RFX7: variants seen among roughly 807,000 people sequenced by gnomAD.
RFX7 encodes the protein regulatory factor X7, also known as DNA-binding protein RFX7.
Under a neutral mutation model 111.8 loss-of-function variants are expected in RFX7, and 26 were observed. That is an observed-to-expected ratio of 0.23 (90% CI 0.17 to 0.32). The LOEUF is 0.32. Ranked by LOEUF, RFX7 falls within the 10% of genes least tolerant of loss-of-function variation. RFX7 has a pLI of 1.00. For missense variants in RFX7, 1,573 were observed against 1,772.9 expected, an observed-to-expected ratio of 0.89 and a Z score of 2.02; for synonymous variants, 624 against 624.4, an observed-to-expected ratio of 1.00 and a Z score of 0.01.
intron 3 of RFX7, among the ~76,000 whole-genome samples, chr15:56,178,398 A>C (rs1320861790): frequency 6.6e-6 from 1 of 152,130 alleles, no homozygotes. Context: ...AAGACATCAT[A>C]CTATTTCAGC....
chr15:56,096,411 G>A lies in RFX7; in HGVS notation c.1317C>T (p.Thr439=). 2 of 1,613,888 alleles carry A rather than the reference G, an allele frequency of 1.2e-6. No individual in the cohort carries two copies. The highest frequency in any genetic ancestry group is 1.7e-6 in the Non-Finnish European group (2 of 1,179,848). Residue 439 remains threonine (T), a synonymous_variant, in exon 10 of 10, where the codon ACC becomes ACT. Coordinates refer to ENST00000559447, the MANE Select transcript of RFX7 (RefSeq NM_022841.7). The part of the protein sequence containing the change: ...YPQILPKPAN[T]SALTIRSPTT... ...TTGGAGAGCGAATGGTGAGTGCACT[G>A]GTGTTCGCTGGTTTGGGTAAGATCT...
At chr15:56,128,327 T>C (rs1405857205) in intron 5 of RFX7, among the ~76,000 whole-genome samples, 1 of 152,032 alleles carries the variant, frequency 6.6e-6, no homozygotes, top group African/African-American at 2.4e-5. Context: ...GATGCAAAAA[T>C]CCTTAACAAA....
At chr15:56,208,322 C>G (rs2043276659) in intron 2 of RFX7, among the ~76,000 whole-genome samples, 2 of 152,096 alleles carry the variant, frequency 1.3e-5, no homozygotes, top group South Asian at 4.2e-4. Context: ...CCATCCTGTT[C>G]CAAGTAAGGG....
chr15:56,109,683 C>T (rs1446084132), intron 5 of RFX7, among the ~76,000 whole-genome samples: 2 of 151,940 alleles, frequency 1.3e-5, no homozygotes, highest in South Asian at 2.1e-4. Context: ...ATGCGGGGAG[C>T]GCCTCTGCCC....
At chr15:56,135,117 T>C (rs1595953384) in intron 5 of RFX7, among the ~76,000 whole-genome samples, 2 of 152,328 alleles carry the variant, frequency 1.3e-5, no homozygotes, top group East Asian at 3.9e-4. Flanking sequence ...TATAGTCCTT[T>C]GGGTATATAC....
chr15:56,178,703 A>G (rs2042930880), intron 3 of RFX7, among the ~76,000 whole-genome samples: 1 of 152,184 alleles, frequency 6.6e-6, no homozygotes, highest in Non-Finnish European at 1.5e-5. Context: ...AACTACTACT[A>G]TACTAACACA....
chr15:56,149,341 T>C (rs1312590681), intron 3 of RFX7, among the ~76,000 whole-genome samples: 2 of 152,184 alleles, frequency 1.3e-5, no homozygotes, highest in Non-Finnish European at 2.9e-5. Context: ...CTGATTAATA[T>C]AAAAATTAGA....
intron 3 of RFX7, among the ~76,000 whole-genome samples, chr15:56,178,401 A>C (rs539698705): frequency 6.6e-6 from 1 of 152,136 alleles, no homozygotes; most frequent in Admixed American, 6.6e-5. Flanking sequence ...ACATCATACT[A>C]TTTCAGCACC....
In RFX7 at chr15:56,120,264, A is replaced by T. The variant is rs1386206717; in HGVS notation, c.402-16594T>A. On this transcript the variant is annotated intron_variant, in intron 5 of 9. Coordinates refer to ENST00000559447, the MANE Select transcript of RFX7 (RefSeq NM_022841.7). ...ATTTAATTTTATTTGTAGCTATTGT[A>T]AATAGGATTACTTTCTTGATTTCTT... Among the ~76,000 whole-genome samples, 10 of 152,300 alleles carry T rather than the reference A, an allele frequency of 6.6e-5. No individual in the cohort carries two copies. In the East Asian group the frequency reaches 7.7e-4, roughly 12 times the overall value.
At chr15:56,174,978 A>G (rs1439049641) in intron 3 of RFX7, among the ~76,000 whole-genome samples, 1 of 152,198 alleles carries the variant, frequency 6.6e-6, no homozygotes, top group African/African-American at 2.4e-5. Context: ...CTAGCAGTAC[A>G]ATAAGGTGAG....
Position 56,243,525 on chromosome 15 carries a change from G to C in RFX7, c.-83C>G. 8.1e-6 allele frequency: 8 copies of C among 984,330 alleles called. No individual in the cohort carries two copies. The highest frequency in any genetic ancestry group is 8.4e-6 in the Non-Finnish European group (7 of 829,490). 61.0% of individuals were successfully genotyped at this position (984,330 alleles called of 1,614,324 possible). A position where few individuals can be genotyped will look rare whatever the true frequency, so the allele number is the denominator to read the frequency against. On this transcript the variant is annotated 5_prime_UTR_variant, in exon 1 of 10. Transcript: ENST00000559447. ...ACCAGCGGCTCCTCACGGCCGGGGC[G>C]CTTCACCGCGGGAGAGGCATGGCGG...
chr15:56,142,505 T>G (rs1203157194), intron 5 of RFX7, among the ~76,000 whole-genome samples: 5 of 152,144 alleles, frequency 3.3e-5, no homozygotes, highest in Non-Finnish European at 7.4e-5. Context: ...ATCCTTTTAT[T>G]CACCAATCCT....
At chr15:56,207,645 G>A (rs774546731) in intron 2 of RFX7, among the ~76,000 whole-genome samples, 19 of 152,058 alleles carry the variant, frequency 1.2e-4, no homozygotes, top group Non-Finnish European at 2.4e-4. Context: ...ATTATCCATA[G>A]AAAGAAAAAC....
intron 2 of RFX7, among the ~76,000 whole-genome samples, chr15:56,196,500 T>C (rs994011380): frequency 1.3e-5 from 2 of 152,088 alleles, no homozygotes; most frequent in African/African-American, 4.8e-5. Flanking sequence ...TTTTGATACA[T>C]TCTAGTTTAC....
chr15:56,215,916 A>C (rs1232895634), intron 2 of RFX7, among the ~76,000 whole-genome samples: 2 of 152,134 alleles, frequency 1.3e-5, no homozygotes, highest in Non-Finnish European at 2.9e-5. Flanking sequence ...CTCACACTGC[A>C]GGAGGCCTTA....
At chr15:56,241,086 G>C (rs141996977) in intron 2 of RFX7, among the ~76,000 whole-genome samples, 76 of 152,112 alleles carry the variant, frequency 5.0e-4, no homozygotes, top group African/African-American at 1.7e-3. Context: ...GATTTCTAAA[G>C]TTGATCATTA....
At chr15:56,102,032 C>T in intron 7 of RFX7, 137 bp downstream of exon 7, 1 of 647,170 alleles carries the variant, frequency 1.5e-6, no homozygotes, top group Non-Finnish European at 2.6e-6. Flanking sequence ...ATTTTTCAGC[C>T]ACTGTGTGAT....
chr15:56,113,910 A>G (rs1302365919), intron 5 of RFX7, among the ~76,000 whole-genome samples: 1 of 152,206 alleles, frequency 6.6e-6, no homozygotes, highest in African/African-American at 2.4e-5. Flanking sequence ...CATTGCCTTA[A>G]AAGTATTAAT....
At chr15:56,207,784 A>G (rs753669393) in intron 2 of RFX7, among the ~76,000 whole-genome samples, 1 of 152,224 alleles carries the variant, frequency 6.6e-6, no homozygotes, top group Non-Finnish European at 1.5e-5. Context: ...ACAAGATAAA[A>G]AGCCGAAAAA....
Sources: gnomAD v4.1 joint callset for allele counts (sites outside exome capture counted in the v4.1 genomes callset) on GRCh38, gnomAD v4.1.1 for gene constraint, MANE v1.5 for transcripts, NCBI Gene and HGNC (gene_info 2026-07-23, HGNC 2026-07-21) for gene names.